Variants in NPC2 observed in about 807,000 individuals in gnomAD.
The protein encoded by NPC2 is NPC intracellular cholesterol transporter 2.
In NPC2, 14 loss-of-function variants were observed where a neutral mutation model predicts 17.0. The ratio of observed to expected loss-of-function variants is 0.82; its 90% CI spans 0.54 to 1.29. The LOEUF (loss-of-function observed/expected upper bound fraction) is 1.29. NPC2 is among the 50% of genes most tolerant of loss of function. The pLI is 0.00. For synonymous variants in NPC2, 75 were observed against 69.3 expected (o/e 1.08, Z -0.41); for missense variants, 167 against 183.4 (o/e 0.91, Z 0.52).
intron 1 of NPC2, among the ~76,000 whole-genome samples, chr14:74,492,182 G>A (rs553385073): frequency 6.6e-6 from 1 of 152,202 alleles, no homozygotes; most frequent in East Asian, 1.9e-4. Flanking sequence ...TAAAAACTCT[G>A]ATCCCCGAAT....
At chr14:74,483,078 A>C in intron 3 of NPC2, 1 of 1,305,046 alleles carries the variant, frequency 7.7e-7, no homozygotes, top group Middle Eastern at 1.9e-4. Context: ...CAACGATAGA[A>C]GATTCCTACA....
At chr14:74,484,284 T>G (rs2086685210) in intron 3 of NPC2, 131 bp downstream of exon 3, 2 of 971,742 alleles carry the variant, frequency 2.1e-6, no homozygotes, top group Admixed American at 1.8e-5. Flanking sequence ...ACCTATCTCC[T>G]TTCCCTCGGG....
intron 2 of NPC2, 126 bp from the exon 3 acceptor site, chr14:74,484,713 G>GCACTGTGCTA: frequency 1.5e-6 from 1 of 683,076 alleles, no homozygotes; most frequent in Non-Finnish European, 2.4e-6. Flanking sequence ...AGTGGTGCTT[G>GCACTGTGCTA]GTACTAGCAC....
chr14:74,489,666 C>T (rs560728178), intron 1 of NPC2, among the ~76,000 whole-genome samples: 1 of 152,214 alleles, frequency 6.6e-6, no homozygotes, highest in Non-Finnish European at 1.5e-5. Flanking sequence ...AATCCCATTT[C>T]CTCCTGCCCC....
At position 74,483,409 on chromosome 14, in the gene NPC2, C is replaced by A. The variant is rs149747805; in HGVS notation, c.363+1006G>T. 827 of 1,494,208 alleles carry A rather than the reference C, an allele frequency of 5.5e-4. 2 individuals are homozygous for A. In the African/African-American group the frequency reaches 0.01, roughly 19 times the overall value. The allele number at this position is 1,494,208 out of a possible 1,614,324, so 92.6% of individuals were successfully genotyped here. On this transcript the variant is annotated intron_variant, in intron 3 of 4. Transcript: ENST00000555619. ...TAGAATAATCTGCAAAGTCAAAGGT[C>A]AATGTTAATGAAATATTTTATGACC...
intron 1 of NPC2, among the ~76,000 whole-genome samples, chr14:74,487,459 G>T (rs919076829): frequency 2.6e-5 from 4 of 152,052 alleles, no homozygotes; most frequent in Admixed American, 2.6e-4. Flanking sequence ...TAGAGACAGG[G>T]TTTCACCATG....
Position 74,493,234 on chromosome 14 carries a change from C to A in NPC2, c.41G>T (p.Ser14Ile). 6.2e-7 allele frequency: 1 copy of A among 1,613,160 alleles called. No homozygotes were observed. The highest frequency in any genetic ancestry group is 8.5e-7 in the Non-Finnish European group (1 of 1,179,684). ...CACCGGTTCGGCCTGGGCAGCGGTG[C>A]TGAGCGCCAGGAGCAGGAATGTAGC... is the stretch of plus-strand genomic sequence containing the variant. ...LAATFLLLALSTAAQAEPVQF... is the reference protein window; with the variant it reads ...LAATFLLLALITAAQAEPVQF... Residue 14 changes from serine (S) to isoleucine (I), a missense_variant, in exon 1 of 5, where the codon AGC (serine) becomes ATC (isoleucine). Transcript: ENST00000555619. The surrounding 1 kb of genome is among the most constrained non-coding windows in gnomAD (Gnocchi z 4.1).
At position 74,479,974 on chromosome 14, in the gene NPC2, C is replaced by T. The variant is rs2086637655; in HGVS notation, c.*300G>A. ...CAAGACAAACGAGTTTTTATTTATT[C>T]AAGAGTAAATTTCCAGGTGTAGAAA... is the stretch of plus-strand genomic sequence containing the variant. On this transcript the variant is annotated 3_prime_UTR_variant, in exon 5 of 5. Coordinates refer to ENST00000555619, the MANE Select transcript of NPC2 (RefSeq NM_006432.5). The T allele has an allele frequency of 1.5e-6, 2 of 1,350,862 alleles. No homozygotes were observed. The highest frequency in any genetic ancestry group is 1.9e-6 in the Non-Finnish European group (2 of 1,048,148). The allele number at this position is 1,350,862 out of a possible 1,614,324, so 83.7% of individuals were successfully genotyped here.
At chr14:74,490,557 C>G (rs1187215166) in intron 1 of NPC2, among the ~76,000 whole-genome samples, 3 of 152,214 alleles carry the variant, frequency 2.0e-5, no homozygotes, top group Non-Finnish European at 2.9e-5. Flanking sequence ...TCTTTCAAGG[C>G]TGAGTCACAT....
intron 2 of NPC2, 150 bp from the exon 3 acceptor site, chr14:74,484,737 A>C: frequency 2.8e-6 from 1 of 357,154 alleles, no homozygotes; most frequent in Admixed American, 4.7e-5. Context: ...GCAAGCATTC[A>C]CTCCAAACAC....
chr14:74,483,378 C>T, intron 3 of NPC2: 2 of 1,431,848 alleles, frequency 1.4e-6, no homozygotes, highest in Non-Finnish European at 2.0e-6. Context: ...TGGAACTGTG[C>T]CATTTTAGAA....
intron 1 of NPC2, among the ~76,000 whole-genome samples, chr14:74,490,693 C>T (rs765802776): frequency 2.6e-5 from 4 of 152,208 alleles, no homozygotes; most frequent in Non-Finnish European, 5.9e-5. Context: ...GCAAACATTA[C>T]AAAATTAGTT....
At position 74,486,404 on chromosome 14, in the gene NPC2, C is replaced by T. The variant is rs80358261; in HGVS notation, c.115G>A (p.Val39Met). The T allele has an allele frequency of 2.6e-5, 42 of 1,602,146 alleles. No individual in the cohort carries two copies. Among genetic ancestry groups the T allele is most frequent in the Non-Finnish European group, 3.4e-5 (40 of 1,174,100 alleles). The change falls in exon 2 of 5, where the codon GTG becomes ATG. Residue 39 changes from valine (V) to methionine (M), a missense_variant. Physicochemically the swap from Val to Met is conservative, Grantham distance 21. Transcript: ENST00000555619. The part of the protein sequence containing the change: ...SVDGVIKEVN[V>M]SPCPTQPCQL... ...CAGGGTTGGGTGGGGCATGGGCTCACATTCACTTCCTTTATAACTCCATCC... is the reference window on the plus strand; with the variant it reads ...CAGGGTTGGGTGGGGCATGGGCTCATATTCACTTCCTTTATAACTCCATCC...
intron 1 of NPC2, among the ~76,000 whole-genome samples, chr14:74,488,977 G>C (rs974163849): frequency 7.9e-5 from 12 of 152,208 alleles, no homozygotes; most frequent in East Asian, 1.9e-4. Context: ...GCCCACTTAT[G>C]AGTCATGAAA....
At chr14:74,483,422 A>C in intron 3 of NPC2, 2 of 1,515,546 alleles carry the variant, frequency 1.3e-6, no homozygotes, top group Non-Finnish European at 1.8e-6. Context: ...TGTTAATGAA[A>C]TATTTTATGA....
In NPC2 at chr14:74,480,454, T is replaced by C. The variant is rs2086644036; in HGVS notation, c.442-166A>G. On this transcript the variant is annotated intron_variant, in intron 4 of 4. Transcript: ENST00000555619. ...ACAGAAAAAAACCAATGAAGACAGT[T>C]AAATCAATCTCTACAGTCTCACTCT... 4 of 778,722 alleles carry C rather than the reference T, an allele frequency of 5.1e-6. No homozygotes were observed. The East Asian group carries it at 1.0e-4, about 20-fold the overall frequency. 48.2% of individuals were successfully genotyped at this position (778,722 alleles called of 1,614,324 possible). A position where few individuals can be genotyped will look rare whatever the true frequency, so the allele number is the denominator to read the frequency against.
At position 74,493,182 on chromosome 14, in the gene NPC2, C is replaced by G; in HGVS notation, c.82+11G>C. 3 of 1,604,282 alleles carry G rather than the reference C, an allele frequency of 1.9e-6. No homozygotes were observed. Among genetic ancestry groups the G allele is most frequent in the Non-Finnish European group, 2.5e-6 (3 of 1,176,608 alleles). On this transcript the variant is annotated intron_variant, in intron 1 of 4. Coordinates refer to ENST00000555619, the MANE Select transcript of NPC2 (RefSeq NM_006432.5). This position sits in a 1 kb window ranked among gnomAD's most constrained non-coding sequence, Gnocchi z 4.1. ...GAGGGCGCGGGAACCTTGGGCGGGC[C>G]TGGGGCTCACCGCAGTCCTTGAACT...
At chr14:74,488,602 T>C (rs540861912) in intron 1 of NPC2, among the ~76,000 whole-genome samples, 1 of 152,218 alleles carries the variant, frequency 6.6e-6, no homozygotes, top group South Asian at 2.1e-4. Context: ...TAATCCCAGC[T>C]ACTCAGGAGG....
At position 74,486,519 on chromosome 14, in the gene NPC2, C is replaced by T. The variant is rs1207991079; in HGVS notation, c.83-83G>A. 1.0e-5 allele frequency: 11 copies of T among 1,058,552 alleles called. No individual in the cohort carries two copies. The African/African-American group carries it at 1.4e-4, about 14-fold the overall frequency. The allele number at this position is 1,058,552 out of a possible 1,614,324, so 65.6% of individuals were successfully genotyped here. ...CTGCCCACCACCTAATGGGAAGGTGCTCTGCTCTCCCATTTAGGGTCAACT... is the reference window on the plus strand; with the variant it reads ...CTGCCCACCACCTAATGGGAAGGTGTTCTGCTCTCCCATTTAGGGTCAACT... On this transcript the variant is annotated intron_variant, in intron 1 of 4. Transcript: ENST00000555619.
Sources: allele counts gnomAD v4.1 joint callset (sites outside exome capture counted in the v4.1 genomes callset), GRCh38; gene constraint gnomAD v4.1.1; non-coding constraint Gnocchi (gnomAD v3.1); transcripts MANE v1.5; gene names NCBI Gene and HGNC (gene_info 2026-07-23, HGNC 2026-07-21).